The following MED6 variants were observed in gnomAD, a reference collection of about 807,000 sequenced individuals.
MED6 encodes the protein mediator of RNA polymerase II transcription subunit 6.
A neutral mutation model predicts 37.5 loss-of-function variants in MED6; 33 were observed. That is an observed-to-expected ratio of 0.88 (90% CI 0.67 to 1.18). MED6 has a LOEUF of 1.18. Among genes scored for constraint, MED6 ranks in the 50% most tolerant of loss-of-function variants. The pLI is 0.00. For missense variants in MED6, 235 were observed against 290.6 expected (o/e 0.81, Z 1.39); for synonymous variants, 94 against 93.6 (o/e 1.00, Z -0.02).
At chr14:70,592,745 A>T (rs1884918304) in intron 5 of MED6, 135 bp downstream of exon 5, 1 of 886,920 alleles carries the variant, frequency 1.1e-6, no homozygotes, top group Non-Finnish European at 1.7e-6. Context: ...CATGAATCTC[A>T]GCTGCAACAA....
Position 70,597,854 on chromosome 14 carries a change from C to T in MED6, c.23-77G>A, listed in dbSNP as rs938440979. On this transcript the variant is annotated intron_variant, in intron 1 of 7. Transcript: ENST00000256379. ...AATCCAACAAACATTTATTATACAT[C>T]AAATGTAGTAGGCACTATGAATATA... 1.7e-5 allele frequency: 21 copies of T among 1,207,120 alleles called. No individual in the cohort carries two copies. The African/African-American group carries it at 2.9e-4, about 16-fold the overall frequency. The allele number at this position is 1,207,120 out of a possible 1,614,324, so 74.8% of individuals were successfully genotyped here.
chr14:70,585,555 CT>C (rs77491908), intron 7 of MED6, among the ~76,000 whole-genome samples, 200 bp downstream of exon 7: 3,257 of 129,276 alleles, frequency 0.025, 97 homozygotes, highest in African/African-American at 0.087. Flanking sequence ...CATTATGAGA[CT>C]TTTTTTTTTT....
chr14:70,600,628 C>A lies in MED6; in HGVS notation c.10G>T (p.Val4Leu), dbSNP rs151137168. ...CAATACAGTATACCTCGGATATCCA[C>A]CGCCGCCATAATTCCGAGAGCGTTT... MAA[V>L]DIRDNLLGIS... Residue 4 changes from valine (V) to leucine (L), a missense_variant, in exon 1 of 8, where the codon GTG (valine) becomes TTG (leucine). Physicochemically the swap from Val to Leu is conservative, Grantham distance 32. Transcript: ENST00000256379. 4.8e-5 allele frequency: 78 copies of A among 1,613,128 alleles called. No homozygotes were observed. Among genetic ancestry groups the A allele is most frequent in the Non-Finnish European group, 6.3e-5 (74 of 1,179,886 alleles).
chr14:70,592,264 C>T lies in MED6; in HGVS notation c.466+616G>A, dbSNP rs147765567. Among the ~76,000 whole-genome samples the T allele has an allele frequency of 4.7e-3, 715 of 152,172 alleles. 8 individuals are homozygous for T. Among genetic ancestry groups the T allele is most frequent in the African/African-American group, 0.016 (677 of 41,514 alleles). On this transcript the variant is annotated intron_variant, in intron 5 of 7. Coordinates refer to ENST00000256379, the MANE Select transcript of MED6 (RefSeq NM_005466.4). ...AAGACAGTAGCAGATTACATGGAAACTTGGAGGACCTGGAGCCACAAGAGG... is the reference window on the plus strand; with the variant it reads ...AAGACAGTAGCAGATTACATGGAAATTTGGAGGACCTGGAGCCACAAGAGG...
At chr14:70,596,547 T>A (rs1302742333) in intron 3 of MED6, 64 bp downstream of exon 3, 1 of 1,315,180 alleles carries the variant, frequency 7.6e-7, no homozygotes, top group African/African-American at 1.5e-5. Flanking sequence ...ACAAGTTAGG[T>A]CAGGAAGTAA....
intron 2 of MED6, 97 bp from the exon 3 acceptor site, chr14:70,596,799 A>G: frequency 1.1e-6 from 1 of 871,272 alleles, no homozygotes; most frequent in South Asian, 1.6e-5. Context: ...GCAACACTTT[A>G]AATAGGATTA....
In MED6 at chr14:70,583,789, T is replaced by A. The variant is rs1280501931; in HGVS notation, c.*1024A>T. ...AAGTAAAATTGTACGAAAGGAATGA[T>A]TAAAGTACAGTTTTAAAAGCATCTA... On this transcript the variant is annotated 3_prime_UTR_variant, in exon 8 of 8. Transcript: ENST00000256379. 1 of 277,210 alleles carries A rather than the reference T, an allele frequency of 3.6e-6. No individual in the cohort carries two copies. Among genetic ancestry groups the A allele is most frequent in the Non-Finnish European group, 6.7e-6 (1 of 150,146 alleles). 17.2% of individuals were successfully genotyped at this position (277,210 alleles called of 1,614,324 possible). A position where few individuals can be genotyped will look rare whatever the true frequency, so the allele number is the denominator to read the frequency against.
rs548470601 is a variant in MED6 at position 70,590,595 on chromosome 14, G to T, written c.582+671C>A. On this transcript the variant is annotated intron_variant, in intron 6 of 7. Coordinates refer to ENST00000256379, the MANE Select transcript of MED6 (RefSeq NM_005466.4). ...TAACAAAAACAGGGTATATGATCTT[G>T]TATGTACATTGTAAAGGTCCAGAAG... Among the ~76,000 whole-genome samples, 229 of 152,280 alleles carry T rather than the reference G, an allele frequency of 1.5e-3. 1 individual carries two copies. Among genetic ancestry groups the T allele is most frequent in the African/African-American group, 4.9e-3 (203 of 41,548 alleles).
intron 5 of MED6, 34 bp from the exon 6 acceptor site, chr14:70,591,415 C>A (rs376238567): frequency 6.6e-7 from 1 of 1,518,790 alleles, no homozygotes; most frequent in Non-Finnish European, 9.0e-7. Flanking sequence ...CAAAACATTG[C>A]CTACTTAGTT....
chr14:70,598,529 C>T (rs1885113344), intron 1 of MED6, among the ~76,000 whole-genome samples: 1 of 151,470 alleles, frequency 6.6e-6, no homozygotes, highest in Non-Finnish European at 1.5e-5. Flanking sequence ...CCTGGGGAAA[C>T]GAAAATCATT....
At chr14:70,598,733 CT>C (rs35494576) in intron 1 of MED6, among the ~76,000 whole-genome samples, 18,905 of 148,260 alleles carry the variant, frequency 0.13, 1,384 homozygotes, top group African/African-American at 0.22. Context: ...TTAGAAAGGA[CT>C]TTTTTTTTTA....
At chr14:70,587,190 G>A (rs563411596) in intron 6 of MED6, among the ~76,000 whole-genome samples, 122 of 152,324 alleles carry the variant, frequency 8.0e-4, no homozygotes, top group Middle Eastern at 3.4e-3. Flanking sequence ...TGCACTCTGT[G>A]TAACCTCTTA....
chr14:70,589,694 C>T (rs1030423666), intron 6 of MED6, among the ~76,000 whole-genome samples: 7 of 152,100 alleles, frequency 4.6e-5, no homozygotes, highest in African/African-American at 1.7e-4. Flanking sequence ...AAACATAGGC[C>T]TCCAGGATTA....
Position 70,584,360 on chromosome 14 carries a change from T to A in MED6, c.*453A>T. The A allele has an allele frequency of 2.1e-6, 1 of 481,952 alleles. No individual in the cohort carries two copies. The highest frequency in any genetic ancestry group is 3.4e-5 in the South Asian group (1 of 29,112). The allele number at this position is 481,952 out of a possible 1,614,324, so 29.9% of individuals were successfully genotyped here. Reference sequence around the variant, plus strand: ...ACATATAACAAATATTCACAAGAAATCATGATGGGAATAATATCTTTTCTT... The same window carrying A: ...ACATATAACAAATATTCACAAGAAAACATGATGGGAATAATATCTTTTCTT... On this transcript the variant is annotated 3_prime_UTR_variant, in exon 8 of 8. Transcript: ENST00000256379.
intron 5 of MED6, among the ~76,000 whole-genome samples, chr14:70,592,246 TAGC>T (rs1379067225): frequency 6.6e-6 from 1 of 152,106 alleles, no homozygotes; most frequent in Non-Finnish European, 1.5e-5. Context: ...ATGAAGACAG[TAGC>T]AGATTACATG....
At chr14:70,587,965 G>A (rs191831233) in intron 6 of MED6, among the ~76,000 whole-genome samples, 161 of 152,246 alleles carry the variant, frequency 1.1e-3, no homozygotes, top group Admixed American at 1.8e-3. Context: ...CCCCTTACAG[G>A]GGCAACATCC....
chr14:70,596,570 A>T, intron 3 of MED6, 41 bp downstream of exon 3: 1 of 1,472,976 alleles, frequency 6.8e-7, no homozygotes, highest in Non-Finnish European at 9.4e-7. Flanking sequence ...AAATTATGGT[A>T]TTTTAAAAAG....
At chr14:70,600,319 G>A (rs1198519891) in intron 1 of MED6, among the ~76,000 whole-genome samples, 1 of 151,970 alleles carries the variant, frequency 6.6e-6, no homozygotes, top group Non-Finnish European at 1.5e-5. Flanking sequence ...CAATAGAATA[G>A]CCCTAATGTT....
At chr14:70,589,562 T>C (rs1884811363) in intron 6 of MED6, among the ~76,000 whole-genome samples, 1 of 152,222 alleles carries the variant, frequency 6.6e-6, no homozygotes, top group Non-Finnish European at 1.5e-5. Context: ...AAATTTCTCC[T>C]GGTTTGGTCT....
Sources: gnomAD v4.1 joint callset for allele counts (sites outside exome capture counted in the v4.1 genomes callset) on GRCh38, gnomAD v4.1.1 for gene constraint, MANE v1.5 for transcripts, NCBI Gene and HGNC (gene_info 2026-07-23, HGNC 2026-07-21) for gene names.